The following ANKRD44 variants were observed in gnomAD, a reference collection of about 807,000 sequenced individuals.
ANKRD44 encodes the protein ankyrin repeat domain 44, also known as serine/threonine-protein phosphatase 6 regulatory ankyrin repeat subunit B.
A neutral mutation model predicts 116.0 loss-of-function variants in ANKRD44; 35 were observed. The ratio of observed to expected loss-of-function variants is 0.30; its 90% CI spans 0.23 to 0.40. ANKRD44 has a LOEUF of 0.40. ANKRD44 is among the 10% of genes least tolerant of loss of function. The probability of loss-of-function intolerance (pLI) is 1.00; values close to 1 mark genes in which losing one functional copy is unlikely to be tolerated. For synonymous variants in ANKRD44, 435 were observed against 461.8 expected, an observed-to-expected ratio of 0.94 and a Z score of 0.74; for missense variants, 1,014 against 1,242.6, an observed-to-expected ratio of 0.82 and a Z score of 2.77.
chr2:197,075,720 TTC>T (rs2077651656), intron 16 of ANKRD44, among the ~76,000 whole-genome samples: 1 of 152,156 alleles, frequency 6.6e-6, no homozygotes. Flanking sequence ...CTATAATAAT[TTC>T]TGTTTATTTT....
At position 197,201,553 on chromosome 2, in the gene ANKRD44, G is replaced by A. The variant is rs1455438139; in HGVS notation, c.28-14447C>T. On this transcript the variant is annotated intron_variant, in intron 1 of 27. Transcript: ENST00000282272. The surrounding 1 kb of genome is among the most constrained non-coding windows in gnomAD (Gnocchi z 4.0). ...TCTCCTCACCAACAATCCCCCTGACGTTGGCTCTGAATGATGTGGAGACCC... is the reference window on the plus strand; with the variant it reads ...TCTCCTCACCAACAATCCCCCTGACATTGGCTCTGAATGATGTGGAGACCC... Among the ~76,000 whole-genome samples, 1 of 152,112 alleles carries A rather than the reference G, an allele frequency of 6.6e-6. No homozygotes were observed. Among genetic ancestry groups the A allele is most frequent in the Non-Finnish European group, 1.5e-5 (1 of 68,022 alleles).
intron 19 of ANKRD44, 127 bp downstream of exon 19, chr2:197,008,817 G>T: frequency 2.6e-6 from 2 of 782,398 alleles, no homozygotes; most frequent in South Asian, 1.6e-5. Context: ...ATTGTGTATT[G>T]GTCCTGGTCC....
chr2:197,131,241 G>C (rs1049851153), intron 4 of ANKRD44, among the ~76,000 whole-genome samples: 4 of 150,262 alleles, frequency 2.7e-5, no homozygotes, highest in African/African-American at 4.9e-5. Context: ...GCCCAGGCTG[G>C]AGTGCAGTGG....
intron 10 of ANKRD44, among the ~76,000 whole-genome samples, chr2:197,092,704 T>C (rs1236553779): frequency 6.6e-6 from 1 of 152,162 alleles, no homozygotes; most frequent in East Asian, 1.9e-4. Context: ...GCCTCGCTCA[T>C]CATTTACCAA....
chr2:197,262,342 T>A (rs911187911), intron 1 of ANKRD44, among the ~76,000 whole-genome samples: 3 of 152,210 alleles, frequency 2.0e-5, no homozygotes, highest in African/African-American at 7.2e-5. Context: ...AAGTTATAAA[T>A]GAGGTTGTAG....
At chr2:197,229,216 A>G (rs969631767) in intron 1 of ANKRD44, among the ~76,000 whole-genome samples, 1 of 152,248 alleles carries the variant, frequency 6.6e-6, no homozygotes, top group African/African-American at 2.4e-5. Flanking sequence ...TGCAAATATA[A>G]TATGAATAAT....
intron 25 of ANKRD44, among the ~76,000 whole-genome samples, chr2:196,996,902 CAAAAAAAA>C (rs55760106): frequency 4.5e-5 from 4 of 88,982 alleles, no homozygotes; most frequent in African/African-American, 8.6e-5. Flanking sequence ...GACTCTGCCT[CAAAAAAAA>C]AAAAAAAAAA....
intron 1 of ANKRD44, among the ~76,000 whole-genome samples, chr2:197,217,625 G>A (rs896884948): frequency 6.6e-6 from 1 of 152,212 alleles, no homozygotes; most frequent in African/African-American, 2.4e-5. Flanking sequence ...AACAAGTCCA[G>A]AAGAGGTGAC....
chr2:197,164,179 G>A (rs2080041427), intron 2 of ANKRD44, among the ~76,000 whole-genome samples: 2 of 152,218 alleles, frequency 1.3e-5, no homozygotes, highest in African/African-American at 2.4e-5. Flanking sequence ...CCCGGGGAGC[G>A]AGGCTCCTTT....
intron 21 of ANKRD44, among the ~76,000 whole-genome samples, chr2:196,979,579 T>A (rs2075786076): frequency 7.3e-6 from 1 of 136,898 alleles, no homozygotes. Flanking sequence ...TTTTTTTTTT[T>A]TAAGACAGAG....
downstream of ANKRD44, among the ~76,000 whole-genome samples, chr2:196,985,981 T>A (rs1420644310): frequency 1.3e-5 from 2 of 152,186 alleles, no homozygotes; most frequent in Non-Finnish European, 2.9e-5. Flanking sequence ...GCATGGTTGA[T>A]TTCACAATTT....
chr2:196,998,264 G>A (rs533513237), intron 25 of ANKRD44, 73 bp downstream of exon 25: 25 of 1,156,842 alleles, frequency 2.2e-5, no homozygotes, highest in African/African-American at 1.1e-4. Context: ...CAGTTCCGAG[G>A]TAGAATTTCA....
intron 21 of ANKRD44, among the ~76,000 whole-genome samples, chr2:196,978,453 C>G (rs2075775450): frequency 6.6e-6 from 1 of 152,184 alleles, no homozygotes; most frequent in Non-Finnish European, 1.5e-5. Context: ...AAGAGACTAA[C>G]ACATATATTA....
intron 2 of ANKRD44, among the ~76,000 whole-genome samples, chr2:197,163,119 T>G (rs959965906): frequency 2.0e-5 from 3 of 152,232 alleles, no homozygotes; most frequent in Non-Finnish European, 4.4e-5. Flanking sequence ...TCAAAGCTGT[T>G]TGACCATCTC....
rs539842462 is a variant in ANKRD44 at position 197,119,326 on chromosome 2, T to C, written c.906+2006A>G. On this transcript the variant is annotated intron_variant, in intron 8 of 27. Transcript: ENST00000282272. ...AGAGCCTGGAGAGGCCCAAGCTCCT[T>C]GGGCTCAAAATCATCCAGTAGATGA... Among the ~76,000 whole-genome samples the C allele has an allele frequency of 4.6e-5, 7 of 152,302 alleles. No homozygotes were observed. In the South Asian group the frequency reaches 1.2e-3, roughly 27 times the overall value.
intron 16 of ANKRD44, among the ~76,000 whole-genome samples, chr2:197,051,602 G>A (rs2077108985): frequency 6.6e-6 from 1 of 152,084 alleles, no homozygotes; most frequent in Non-Finnish European, 1.5e-5. Context: ...CTCCACATGT[G>A]CCTTCTGAAT....
At chr2:197,213,848 A>C (rs956849143) in intron 1 of ANKRD44, among the ~76,000 whole-genome samples, 1 of 152,094 alleles carries the variant, frequency 6.6e-6, no homozygotes, top group African/African-American at 2.4e-5. Flanking sequence ...TCTTTTTAAA[A>C]AGGTACATAC....
intron 1 of ANKRD44, among the ~76,000 whole-genome samples, chr2:197,196,899 C>T (rs1359603962): frequency 6.6e-6 from 1 of 152,206 alleles, no homozygotes; most frequent in Non-Finnish European, 1.5e-5. Context: ...CTCACCACCT[C>T]TCCACAGGTG....
intron 6 of ANKRD44, 26 bp from the exon 7 acceptor site, chr2:197,122,818 A>T (rs374455882): frequency 6.2e-7 from 1 of 1,610,196 alleles, no homozygotes. Context: ...AGCAGAAAAC[A>T]TCGTTAACCT....
Sources: gnomAD v4.1 joint callset for allele counts (sites outside exome capture counted in the v4.1 genomes callset) on GRCh38, gnomAD v4.1.1 for gene constraint, Gnocchi (gnomAD v3.1) non-coding constraint, MANE v1.5 for transcripts, NCBI Gene and HGNC (gene_info 2026-07-23, HGNC 2026-07-21) for gene names.